The following MUC5B variants were observed in gnomAD, a reference collection of about 807,000 sequenced individuals.
MUC5B encodes the protein mucin-5B.
In MUC5B, 116 loss-of-function variants were observed where a neutral mutation model predicts 376.9. The observed-to-expected ratio is 0.31, with a 90% CI of 0.26 to 0.36. MUC5B has a LOEUF of 0.36. Among genes scored for constraint, MUC5B ranks in the 10% least tolerant of loss-of-function variants. The pLI, the probability that MUC5B is intolerant of heterozygous loss-of-function variation, is 1.00. For missense variants in MUC5B, 7,165 were observed against 7,769.9 expected (o/e 0.92, Z 2.93); for synonymous variants, 3,517 against 3,390.9 (o/e 1.04, Z -1.29).
Position 1,259,785 on chromosome 11 carries a change from G to C in MUC5B, c.16743G>C (p.Gln5581His). 1 of 1,612,422 alleles carries C rather than the reference G, an allele frequency of 6.2e-7. No individual in the cohort carries two copies. The change falls in exon 45 of 49, where the codon CAG (glutamine) becomes CAC (histidine). Residue 5581 changes from glutamine (Q) to histidine (H), a missense_variant. Gln to His is a conservative substitution (Grantham distance 24). This residue lies in a region of MUC5B where 842 missense variants were observed against 1,016.9 expected (regional missense o/e 0.83). Transcript: ENST00000529681. The part of the protein sequence containing the change: ...QGFEYKRVAG[Q>H]CCGECVQTAC... ...TTGAGTACAAGAGAGTGGCCGGGCA[G>C]TGCTGTGGGGAGTGCGTCCAGACCG...
Position 1,236,543 on chromosome 11 carries a change from G to T in MUC5B, c.3038G>T (p.Arg1013Leu), listed in dbSNP as rs369710646. The part of the protein sequence containing the change: ...SWDRKTSVFI[R>L]LHQDYKGRVC... ...GACCGGAAGACCAGCGTGTTCATCC[G>T]ACTGCACCAGGACTACAAGGTGAGC... is the stretch of plus-strand genomic sequence containing the variant. The change falls in exon 24 of 49, where the codon CGA (arginine) becomes CTA (leucine). Residue 1013 changes from arginine (R) to leucine (L), a missense_variant. Physicochemically the swap from Arg to Leu is moderately radical, Grantham distance 102. Transcript: ENST00000529681. 6.2e-7 allele frequency: 1 copy of T among 1,612,798 alleles called. No homozygotes were observed. The highest frequency in any genetic ancestry group is 1.1e-5 in the South Asian group (1 of 91,046).
At chr11:1,260,169 AG>A in intron 46 of MUC5B, 84 bp downstream of exon 46, 1 of 1,537,746 alleles carries the variant, frequency 6.5e-7, no homozygotes, top group South Asian at 1.2e-5. Flanking sequence ...CCTGCACAGC[AG>A]GGAGGCCCCA....
At position 1,245,984 on chromosome 11, in the gene MUC5B, C is replaced by A. The variant is rs774387660; in HGVS notation, c.9104C>A (p.Thr3035Asn). 1.9e-6 allele frequency: 3 copies of A among 1,612,474 alleles called. No individual in the cohort carries two copies. Among genetic ancestry groups the A allele is most frequent in the Non-Finnish European group, 2.5e-6 (3 of 1,179,434 alleles). ...LTSTATTPTA[T>N]SSKATSSSSP... Reference sequence around the variant, plus strand: ...AGCACGGCCACCACACCCACAGCCACCAGTTCCAAAGCCACTTCCTCCTCC... The same window carrying A: ...AGCACGGCCACCACACCCACAGCCAACAGTTCCAAAGCCACTTCCTCCTCC... Residue 3035 changes from threonine (T) to asparagine (N), a missense_variant, in exon 31 of 49, where the codon ACC becomes AAC. Thr to Asn is a moderately conservative substitution (Grantham distance 65, BLOSUM62 0). This residue lies in a region of MUC5B where 939 missense variants were observed against 770.6 expected (regional missense o/e 1.22). Transcript: ENST00000529681.
At position 1,245,966 on chromosome 11, in the gene MUC5B, C is replaced by G. The variant is rs374036948; in HGVS notation, c.9086C>G (p.Ala3029Gly). The change falls in exon 31 of 49, where the codon GCC (alanine) becomes GGC (glycine). Residue 3029 changes from alanine to glycine, a missense_variant. Coordinates refer to ENST00000529681, the MANE Select transcript of MUC5B (RefSeq NM_002458.3). ...CCTCCCAAAGTGCTGACCAGCACGG[C>G]CACCACACCCACAGCCACCAGTTCC... ...APPPKVLTST[A>G]TTPTATSSKA... 6.2e-7 allele frequency: 1 copy of G among 1,613,244 alleles called. No individual in the cohort carries two copies. The highest frequency in any genetic ancestry group is 1.1e-5 in the South Asian group (1 of 91,052).
At chr11:1,235,939 G>A (rs1300262535) in intron 23 of MUC5B, among the ~76,000 whole-genome samples, 5 of 152,158 alleles carry the variant, frequency 3.3e-5, no homozygotes, top group Non-Finnish European at 5.9e-5. Flanking sequence ...CAGGAGCCAC[G>A]ATTCACCCTG....
rs774258236 is a variant in MUC5B, at chr11:1,226,198, C to T, written c.128-7C>T. On this transcript the variant is annotated splice_region_variant and splice_polypyrimidine_tract_variant and intron_variant, in intron 2 of 48. Transcript: ENST00000529681. ...ACGTTCCTGGGGTGACCAGCCTTCA[C>T]CCACAGGTGCCCCGACGTCCTCGCC... 6.5e-6 allele frequency: 10 copies of T among 1,548,802 alleles called. No individual in the cohort carries two copies. The South Asian group carries it at 1.1e-4, about 17-fold the overall frequency.
chr11:1,247,797 C>G lies in MUC5B; in HGVS notation c.10917C>G (p.Asp3639Glu). The G allele has an allele frequency of 6.2e-7, 1 of 1,608,442 alleles. No individual in the cohort carries two copies. The highest frequency in any genetic ancestry group is 1.7e-5 in the Admixed American group (1 of 59,868). The change falls in exon 31 of 49, where the codon GAC becomes GAG. Residue 3639 changes from aspartate (D) to glutamate (E), a missense_variant. Transcript: ENST00000529681. ...ELGQVVECSL[D>E]FGLVCRNREQ... ...GCCAGGTCGTGGAATGCAGCCTGGA[C>G]TTTGGCCTGGTCTGCAGGAACCGTG...
chr11:1,228,836 A>G lies in MUC5B; in HGVS notation c.976+71A>G, dbSNP rs1394137599. Reference sequence around the variant, plus strand: ...GGGCAGGGGGAGCGCCTTGGGGGCCACTGGGGGTGGGGAGGCCTGGGGGAC... The same window carrying G: ...GGGCAGGGGGAGCGCCTTGGGGGCCGCTGGGGGTGGGGAGGCCTGGGGGAC... On this transcript the variant is annotated intron_variant, in intron 8 of 48. Transcript: ENST00000529681. 4 of 489,350 alleles carry G rather than the reference A, an allele frequency of 8.2e-6. No individual in the cohort carries two copies. In the Admixed American group the frequency reaches 2.3e-4, roughly 28 times the overall value. 30.3% of individuals were successfully genotyped at this position (489,350 alleles called of 1,614,324 possible).
At position 1,227,054 on chromosome 11, in the gene MUC5B, C is replaced by T; in HGVS notation, c.485C>T (p.Thr162Ile). The T allele has an allele frequency of 1.9e-6, 3 of 1,611,732 alleles. No individual in the cohort carries two copies. The highest frequency in any genetic ancestry group is 1.7e-6 in the Non-Finnish European group (2 of 1,179,300). Residue 162 changes from threonine (T) to isoleucine (I), a missense_variant, in exon 5 of 49, where the codon ACT becomes ATT. Around this residue, in one of 31 missense-constraint regions of MUC5B, gnomAD observed 640 missense variants for 733.0 expected, o/e 0.87. Coordinates refer to ENST00000529681, the MANE Select transcript of MUC5B (RefSeq NM_002458.3). Reference protein sequence around the residue: ...GQREELPYSRTGLLVEQSGDY... With the variant: ...GQREELPYSRIGLLVEQSGDY... ...AGGGAGGAGCTGCCTTACAGCCGCA[C>T]TGGCCTCCTGGTGGAGCAGAGCGGG...
rs1420343850 is a variant in MUC5B, at chr11:1,250,674, C to T, written c.13794C>T (p.Thr4598=). Residue 4598 remains threonine (T), a synonymous_variant, in exon 31 of 49, where the codon ACC becomes ACT. Coordinates refer to ENST00000529681, the MANE Select transcript of MUC5B (RefSeq NM_002458.3). ...CTACCAAAGTGCCGACTACCACAAC[C>T]ACGGGCTTCACAGCCACCCCCTCCT... ...AHTTKVPTTT[T]TGFTATPSSS... The T allele has an allele frequency of 3.7e-6, 6 of 1,612,496 alleles. No homozygotes were observed. Among genetic ancestry groups the T allele is most frequent in the South Asian group, 3.3e-5 (3 of 91,066 alleles).
At chr11:1,259,486 G>T in intron 44 of MUC5B, 1 of 564,880 alleles carries the variant, frequency 1.8e-6, no homozygotes, top group African/African-American at 1.9e-5. Flanking sequence ...AACTGAGGGG[G>T]TCTGGGGGTG....
In MUC5B at chr11:1,247,961, C is replaced by T. The variant is rs1280419291; in HGVS notation, c.11081C>T (p.Thr3694Ile). ...ACTCCGGGGACGACCTGGATCCTCACAAAGCTGACCACAACAGCCACTACG... is the reference window on the plus strand; with the variant it reads ...ACTCCGGGGACGACCTGGATCCTCATAAAGCTGACCACAACAGCCACTACG... Reference protein sequence around the residue: ...SSTPGTTWILTKLTTTATTTE... With the variant: ...SSTPGTTWILIKLTTTATTTE... Residue 3694 changes from threonine (T) to isoleucine (I), a missense_variant, in exon 31 of 49, where the codon ACA becomes ATA. Transcript: ENST00000529681. The T allele has an allele frequency of 6.2e-7, 1 of 1,610,972 alleles. No homozygotes were observed. Among genetic ancestry groups the T allele is most frequent in the East Asian group, 2.2e-5 (1 of 44,890 alleles).
At position 1,242,003 on chromosome 11, in the gene MUC5B, C is replaced by A. The variant is rs913639323; in HGVS notation, c.5123C>A (p.Thr1708Lys). 1.9e-6 allele frequency: 3 copies of A among 1,587,962 alleles called. No homozygotes were observed. Among genetic ancestry groups the A allele is most frequent in the Admixed American group, 1.8e-5 (1 of 55,186 alleles). The change falls in exon 31 of 49, where the codon ACA (threonine) becomes AAA (lysine). Residue 1708 changes from threonine (T) to lysine (K), a missense_variant. By Grantham distance (78) the Thr-to-Lys change is moderately conservative (BLOSUM62 -1). This residue lies in a region of MUC5B where 897 missense variants were observed against 779.6 expected (regional missense o/e 1.15). Transcript: ENST00000529681. Reference sequence around the variant, plus strand: ...CCAGGGACGACGGGGAGCTTGGGCACATGGCGCCCCTCACAGCCACCCACG... The same window carrying A: ...CCAGGGACGACGGGGAGCTTGGGCAAATGGCGCCCCTCACAGCCACCCACG... ...ALPGTTGSLG[T>K]WRPSQPPTLA...
At position 1,228,607 on chromosome 11, in the gene MUC5B, A is replaced by G; in HGVS notation, c.818A>G (p.Glu273Gly). ...ACCCTGCTGGGGCCGGCCTTTGCGG[A>G]GTGCCACGCACTGGTGGACAGCACT... ...HRTLLGPAFA[E>G]CHALVDSTAY... Residue 273 changes from glutamate to glycine, a missense_variant, in exon 8 of 49, where the codon GAG (glutamate) becomes GGG (glycine). Physicochemically the swap from Glu to Gly is moderately conservative, Grantham distance 98 (BLOSUM62 -2). Coordinates refer to ENST00000529681, the MANE Select transcript of MUC5B (RefSeq NM_002458.3). 1 of 1,531,522 alleles carries G rather than the reference A, an allele frequency of 6.5e-7. No individual in the cohort carries two copies. Among genetic ancestry groups the G allele is most frequent in the Non-Finnish European group, 8.7e-7 (1 of 1,144,412 alleles). The allele number at this position is 1,531,522 out of a possible 1,614,324, so 94.9% of individuals were successfully genotyped here. A position where few individuals can be genotyped will look rare whatever the true frequency, so the allele number is the denominator to read the frequency against.
In MUC5B at chr11:1,241,262, C is replaced by G; in HGVS notation, c.4382C>G (p.Thr1461Arg). The G allele has an allele frequency of 6.3e-7, 1 of 1,593,430 alleles. No individual in the cohort carries two copies. Among genetic ancestry groups the G allele is most frequent in the Non-Finnish European group, 8.5e-7 (1 of 1,170,212 alleles). The stretch of plus-strand genomic sequence containing the variant: ...GCTGTGCCTACCCCAACCCAGACCA[C>G]AGCAACCGAAAAGACCACCCTATGG... ...EPAVPTPTQT[T>R]ATEKTTLWVT... Residue 1461 changes from threonine (T) to arginine (R), a missense_variant, in exon 31 of 49, where the codon ACA becomes AGA. Thr to Arg is a moderately conservative substitution (Grantham distance 71). Coordinates refer to ENST00000529681, the MANE Select transcript of MUC5B (RefSeq NM_002458.3).
At chr11:1,260,766 G>A (rs550309588) in intron 48 of MUC5B, 38 bp downstream of exon 48, 27 of 1,486,104 alleles carry the variant, frequency 1.8e-5, no homozygotes, top group South Asian at 4.7e-5. Context: ...GAGCACCTGC[G>A]TGTGGTGGGT....
chr11:1,257,568 G>A lies in MUC5B; in HGVS notation c.16308G>A (p.Val5436=), dbSNP rs1862873444. 2 of 1,607,944 alleles carry A rather than the reference G, an allele frequency of 1.2e-6. No homozygotes were observed. Among genetic ancestry groups the A allele is most frequent in the Non-Finnish European group, 1.7e-6 (2 of 1,179,724 alleles). ...GGGTCAGCAACTGCCAGTCCTGCGT[G>A]TGTGACGAGGGTTCAGTGTCGGTGC... is the stretch of plus-strand genomic sequence containing the variant. The part of the protein sequence containing the change: ...ERWVSNCQSC[V]CDEGSVSVQC... The change falls in exon 41 of 49, where the codon GTG becomes GTA. Residue 5436 remains valine, a synonymous_variant. Coordinates refer to ENST00000529681, the MANE Select transcript of MUC5B (RefSeq NM_002458.3). The surrounding 1 kb of genome is among the most constrained non-coding windows in gnomAD (Gnocchi z 8.9).
intron 27 of MUC5B, 109 bp from the exon 28 acceptor site, chr11:1,239,690 G>A (rs1862234707): frequency 6.7e-7 from 1 of 1,489,978 alleles, no homozygotes; most frequent in Non-Finnish European, 8.9e-7. Context: ...AGCCTTGAGG[G>A]CAGGCCCCTG....
Position 1,248,592 on chromosome 11 carries a change from G to A in MUC5B, c.11712G>A (p.Val3904=), listed in dbSNP as rs756684972. The A allele has an allele frequency of 4.3e-6, 7 of 1,612,258 alleles. No homozygotes were observed. In the South Asian group the frequency reaches 7.7e-5, roughly 18 times the overall value. Residue 3904 remains valine, a synonymous_variant, in exon 31 of 49, where the codon GTG becomes GTA. Coordinates refer to ENST00000529681, the MANE Select transcript of MUC5B (RefSeq NM_002458.3). ...TTTPTTSGST[V]TPSSVPGTTH... ...CACCCACAACCAGTGGCTCCACGGT[G>A]ACCCCCTCCTCCGTCCCGGGGACCA... is the stretch of plus-strand genomic sequence containing the variant.
Sources: allele counts gnomAD v4.1 joint callset (sites outside exome capture counted in the v4.1 genomes callset), GRCh38; gene constraint gnomAD v4.1.1; regional missense constraint gnomAD v4.1.1; non-coding constraint Gnocchi (gnomAD v3.1); transcripts MANE v1.5; gene names NCBI Gene and HGNC (gene_info 2026-07-23, HGNC 2026-07-21).